POT1: variants seen among roughly 807,000 people sequenced by gnomAD.
POT1 encodes the protein protection of telomeres 1.
A neutral mutation model predicts 78.5 loss-of-function variants in POT1; 47 were observed. The ratio of observed to expected loss-of-function variants is 0.60; its 90% CI spans 0.47 to 0.76. POT1 has a LOEUF of 0.76. POT1 is among the 30% of genes least tolerant of loss of function. POT1 has a pLI of 0.00. For synonymous variants in POT1, 259 were observed against 260.7 expected, an observed-to-expected ratio of 0.99 and a Z score of 0.06; for missense variants, 646 against 749.9, an observed-to-expected ratio of 0.86 and a Z score of 1.62.
intron 8 of POT1, 63 bp from the exon 9 acceptor site, chr7:124,859,175 T>C: frequency 7.6e-7 from 1 of 1,316,150 alleles, no homozygotes; most frequent in Non-Finnish European, 1.0e-6. Context: ...CTAAAAAGTT[T>C]TTTCCTGGAA....
At chr7:124,925,760 C>T (rs1245302695) in intron 2 of POT1, among the ~76,000 whole-genome samples, 1 of 151,996 alleles carries the variant, frequency 6.6e-6, no homozygotes, top group African/African-American at 2.4e-5. Context: ...AAAATAGACA[C>T]ACAGATAAAT....
intron 2 of POT1, among the ~76,000 whole-genome samples, chr7:124,928,127 ACTAT>A (rs1169432952): frequency 1.3e-5 from 2 of 152,164 alleles, no homozygotes; most frequent in African/African-American, 2.4e-5. Context: ...TATTATTATT[ACTAT>A]CTTTTTTCAA....
chr7:124,851,797 AT>A (rs1232252589), intron 11 of POT1, 74 bp downstream of exon 11: 14 of 1,012,552 alleles, frequency 1.4e-5, no homozygotes, highest in Non-Finnish European at 1.8e-5. Flanking sequence ...AAGAGAAGAC[AT>A]TACAAAGAAT....
At chr7:124,871,098 A>G in intron 6 of POT1, 57 bp from the exon 7 acceptor site, 3 of 1,441,924 alleles carry the variant, frequency 2.1e-6, no homozygotes, top group Non-Finnish European at 1.9e-6. Context: ...ATTTGATAAA[A>G]TAAGAATATG....
intron 6 of POT1, among the ~76,000 whole-genome samples, chr7:124,881,050 C>G (rs191422081): frequency 7.8e-4 from 118 of 152,100 alleles, no homozygotes; most frequent in Middle Eastern, 6.8e-3. Flanking sequence ...AAATAAAATA[C>G]TCTTTCAATA....
intron 7 of POT1, among the ~76,000 whole-genome samples, chr7:124,870,161 T>C (rs1370520116): frequency 1.3e-5 from 2 of 152,156 alleles, no homozygotes; most frequent in African/African-American, 4.8e-5. Context: ...GGACTGAATA[T>C]ATACAAAATA....
chr7:124,863,123 A>G (rs938302246), intron 8 of POT1, among the ~76,000 whole-genome samples: 1 of 152,170 alleles, frequency 6.6e-6, no homozygotes, highest in Non-Finnish European at 1.5e-5. Context: ...ACTATATTTA[A>G]CATGTAGATC....
intron 2 of POT1, among the ~76,000 whole-genome samples, chr7:124,926,901 G>C (rs1797288595): frequency 6.6e-6 from 1 of 152,120 alleles, no homozygotes; most frequent in Non-Finnish European, 1.5e-5. Context: ...AGAGTGTACA[G>C]AGATGGACAA....
intron 3 of POT1, chr7:124,900,698 G>GC: frequency 4.6e-6 from 1 of 216,728 alleles, no homozygotes; most frequent in East Asian, 1.2e-4. Context: ...GCAGGGCAGG[G>GC]CATCGCCTCA....
chr7:124,852,284 T>C (rs1795329778), intron 10 of POT1, among the ~76,000 whole-genome samples: 1 of 152,144 alleles, frequency 6.6e-6, no homozygotes, highest in South Asian at 2.1e-4. Context: ...GAAATTGATA[T>C]AAAAGTAATA....
At chr7:124,829,123 T>C in intron 16 of POT1, 131 bp downstream of exon 16, 1 of 785,106 alleles carries the variant, frequency 1.3e-6, no homozygotes, top group African/African-American at 1.7e-5. Flanking sequence ...CAAAGTCTGT[T>C]TATCTTACAG....
intron 9 of POT1, among the ~76,000 whole-genome samples, chr7:124,856,416 G>C (rs1795447840): frequency 6.6e-6 from 1 of 150,838 alleles, no homozygotes; most frequent in Non-Finnish European, 1.5e-5. Flanking sequence ...TAATGCTATT[G>C]ATATCTTCAC....
At chr7:124,911,770 T>C (rs1021027331) in intron 3 of POT1, among the ~76,000 whole-genome samples, 3 of 152,120 alleles carry the variant, frequency 2.0e-5, no homozygotes, top group Non-Finnish European at 4.4e-5. Context: ...AAAATTCTTG[T>C]AACAAGGAAA....
intron 3 of POT1, among the ~76,000 whole-genome samples, chr7:124,912,066 G>A (rs550036872): frequency 9.2e-5 from 14 of 152,120 alleles, no homozygotes; most frequent in African/African-American, 1.2e-4. Flanking sequence ...GGGTTCAGAT[G>A]TCTTCCCTCT....
intron 3 of POT1, among the ~76,000 whole-genome samples, chr7:124,904,547 T>C (rs905373266): frequency 8.5e-5 from 13 of 152,154 alleles, no homozygotes; most frequent in African/African-American, 2.9e-4. Context: ...TCATACTGAA[T>C]GGGCAAAAAC....
chr7:124,829,260 C>G lies in POT1; in HGVS notation c.1588G>C (p.Ala530Pro), dbSNP rs1180650416. 1.3e-6 allele frequency: 2 copies of G among 1,595,726 alleles called. No homozygotes were observed. The highest frequency in any genetic ancestry group is 1.7e-5 in the Admixed American group (1 of 59,768). Residue 530 changes from alanine (A) to proline (P), a missense_variant, in exon 16 of 19, where the codon GCA (alanine) becomes CCA (proline). Ala to Pro is a conservative substitution (Grantham distance 27). Transcript: ENST00000357628. ...GCATGGAAATTTAGCTAACCTTCTGCCACAGAAGAAGGAATCCACGATGTT... is the reference window on the plus strand; with the variant it reads ...GCATGGAAATTTAGCTAACCTTCTGGCACAGAAGAAGGAATCCACGATGTT... The part of the protein sequence containing the change: ...DKTSWIPSSV[A>P]EALGIVPLQY...
At chr7:124,837,186 A>G (rs1794918686) in intron 14 of POT1, 2 of 299,058 alleles carry the variant, frequency 6.7e-6, no homozygotes, top group Non-Finnish European at 1.3e-5. Flanking sequence ...TCTTCTGTTT[A>G]CAAAGGGGAT....
At position 124,927,632 on chromosome 7, in the gene POT1, G is replaced by T. The variant is rs540249724; in HGVS notation, c.-227+1183C>A. Among the ~76,000 whole-genome samples the T allele has an allele frequency of 1.2e-3, 184 of 152,126 alleles. 1 individual carries two copies. Among genetic ancestry groups the T allele is most frequent in the African/African-American group, 4.2e-3 (174 of 41,486 alleles). Reference sequence around the variant, plus strand: ...TTCTTTCACTGACTCCTTCAACATGGTTCTCTTCTCTTCTATGCTTTGGCT... The same window carrying T: ...TTCTTTCACTGACTCCTTCAACATGTTTCTCTTCTCTTCTATGCTTTGGCT... On this transcript the variant is annotated intron_variant, in intron 2 of 18. Coordinates refer to ENST00000357628, the MANE Select transcript of POT1 (RefSeq NM_015450.3).
rs191346306 is a variant in POT1, at chr7:124,875,337, T to G, written c.125-4296A>C. 3.3e-3 allele frequency among the ~76,000 whole-genome samples: 499 copies of G among 152,312 alleles called. 2 individuals carry two copies. The highest frequency in any genetic ancestry group is 5.2e-3 in the Non-Finnish European group (355 of 68,006). ...TATTTCTGTGTACACTTAAAAAGAC[T>G]AATTTTTAAAATGTGAAATGAGGCA... is the stretch of plus-strand genomic sequence containing the variant. On this transcript the variant is annotated intron_variant, in intron 6 of 18. Transcript: ENST00000357628.
Sources: gnomAD v4.1 joint callset for allele counts (sites outside exome capture counted in the v4.1 genomes callset) on GRCh38, gnomAD v4.1.1 for gene constraint, MANE v1.5 for transcripts, NCBI Gene and HGNC (gene_info 2026-07-23, HGNC 2026-07-21) for gene names.